RGS7: variants seen among roughly 807,000 people sequenced by gnomAD.
RGS7 encodes regulator of G-protein signaling 7.
Under a neutral mutation model 81.1 loss-of-function variants are expected in RGS7, and 27 were observed. The ratio of observed to expected loss-of-function variants is 0.33; its 90% CI spans 0.25 to 0.46. The LOEUF (loss-of-function observed/expected upper bound fraction) is 0.46. Among genes scored for constraint, RGS7 ranks in the 20% least tolerant of loss-of-function variants. RGS7 has a pLI of 1.00. For missense variants in RGS7, 396 were observed against 607.4 expected (o/e 0.65, Z 3.66); for synonymous variants, 208 against 207.7 (o/e 1.00, Z -0.01).
At chr1:240,943,464 ATTATCAG>A (rs1363310293) in intron 4 of RGS7, among the ~76,000 whole-genome samples, 6 of 152,236 alleles carry the variant, frequency 3.9e-5, no homozygotes, top group African/African-American at 1.4e-4. Context: ...GATGAGAGTT[ATTATCAG>A]TTGATACTTA....
At chr1:241,254,919 C>A in intron 2 of RGS7, among the ~76,000 whole-genome samples, 1 of 152,178 alleles carries the variant, frequency 6.6e-6, no homozygotes, top group East Asian at 1.9e-4. Context: ...GAAACACCCA[C>A]TACATAGCAT....
At chr1:240,810,909 T>G (rs150807048) in intron 14 of RGS7, among the ~76,000 whole-genome samples, 1 of 152,216 alleles carries the variant, frequency 6.6e-6, no homozygotes, top group Non-Finnish European at 1.5e-5. Flanking sequence ...GGAAGCTGCA[T>G]GCCAGCAATC....
At chr1:241,095,129 A>T (rs897982139) in intron 3 of RGS7, among the ~76,000 whole-genome samples, 1 of 152,186 alleles carries the variant, frequency 6.6e-6, no homozygotes, top group Non-Finnish European at 1.5e-5. Context: ...GATTGGCACA[A>T]GCAAGGTGGC....
intron 3 of RGS7, among the ~76,000 whole-genome samples, chr1:241,087,981 TATATATATATATATACACACACACAC>T (rs1303999358): frequency 1.3e-3 from 93 of 71,600 alleles, no homozygotes; most frequent in African/African-American, 5.7e-3. Context: ...TCTCTCTATA[TATATATATATATATACACACACACAC>T]ATATATATAT....
intron 3 of RGS7, among the ~76,000 whole-genome samples, chr1:240,999,979 G>A (rs776529170): frequency 2.0e-5 from 3 of 152,160 alleles, no homozygotes; most frequent in Non-Finnish European, 4.4e-5. Flanking sequence ...GTTGGCTTTT[G>A]ATGACACCAC....
chr1:241,207,668 G>A (rs541646635), intron 2 of RGS7, among the ~76,000 whole-genome samples: 3 of 152,056 alleles, frequency 2.0e-5, no homozygotes, highest in Non-Finnish European at 1.5e-5. Context: ...TTAACCAAAC[G>A]CACCAAAAGA....
chr1:240,948,531 C>T (rs1679028213), intron 4 of RGS7, among the ~76,000 whole-genome samples: 1 of 152,062 alleles, frequency 6.6e-6, no homozygotes, highest in African/African-American at 2.4e-5. Flanking sequence ...GCAACCACCC[C>T]TCCCTGGTTC....
At chr1:241,204,112 A>G (rs2147872554) in intron 2 of RGS7, among the ~76,000 whole-genome samples, 1 of 152,342 alleles carries the variant, frequency 6.6e-6, no homozygotes, top group African/African-American at 2.4e-5. Context: ...AAACTTTAGA[A>G]AGAATGAGCC....
At chr1:241,067,252 A>G (rs1330687440) in intron 3 of RGS7, among the ~76,000 whole-genome samples, 1 of 152,146 alleles carries the variant, frequency 6.6e-6, no homozygotes, top group Admixed American at 6.6e-5. Flanking sequence ...TTCGAAGTAT[A>G]AGGATTGTGT....
chr1:240,890,527 T>C (rs1161449890), intron 6 of RGS7, among the ~76,000 whole-genome samples: 1 of 148,260 alleles, frequency 6.7e-6, no homozygotes, highest in Non-Finnish European at 1.5e-5. Context: ...TGAAAATAAG[T>C]ATTGCTTAAA....
At chr1:241,303,466 T>C (rs1199539406) in intron 2 of RGS7, among the ~76,000 whole-genome samples, 1 of 152,224 alleles carries the variant, frequency 6.6e-6, no homozygotes, top group Admixed American at 6.5e-5. Flanking sequence ...CAGTCTCAAG[T>C]AGTTCTTTAC....
intron 3 of RGS7, among the ~76,000 whole-genome samples, chr1:241,030,861 C>T (rs1302637811): frequency 2.0e-5 from 3 of 152,154 alleles, no homozygotes; most frequent in East Asian, 3.9e-4. Flanking sequence ...TGTGATCAGG[C>T]GATGGTAGGC....
chr1:241,278,204 T>C (rs927047963), intron 2 of RGS7, among the ~76,000 whole-genome samples: 4 of 152,194 alleles, frequency 2.6e-5, no homozygotes, highest in Admixed American at 6.5e-5. Context: ...TTTAATCTTC[T>C]TCCATTGCTT....
chr1:240,944,445 G>A (rs1170649420), intron 4 of RGS7, among the ~76,000 whole-genome samples: 2 of 151,558 alleles, frequency 1.3e-5, no homozygotes, highest in Non-Finnish European at 2.9e-5. Context: ...ATAAATTACA[G>A]TGGAAAACAA....
chr1:241,089,003 G>A (rs2063659805), intron 3 of RGS7, among the ~76,000 whole-genome samples: 2 of 132,682 alleles, frequency 1.5e-5, no homozygotes, highest in Admixed American at 7.5e-5. Flanking sequence ...TCCAGCCTGG[G>A]CCACAGAGCA....
chr1:240,785,370 C>T (rs899224186), intron 18 of RGS7, among the ~76,000 whole-genome samples: 1 of 152,224 alleles, frequency 6.6e-6, no homozygotes, highest in Non-Finnish European at 1.5e-5. Flanking sequence ...AGCTTTCTAA[C>T]TATCCCTAAA....
intron 2 of RGS7, among the ~76,000 whole-genome samples, chr1:241,135,942 G>A (rs1010435406): frequency 1.7e-4 from 25 of 147,292 alleles, no homozygotes; most frequent in African/African-American, 6.2e-4. Flanking sequence ...AATCCCTTGG[G>A]TGGTTACATG....
rs145020745 is a variant in RGS7, at chr1:241,072,306, C to G, written c.175+26360G>C. 4.3e-3 allele frequency among the ~76,000 whole-genome samples: 648 copies of G among 152,300 alleles called. 6 individuals carry two copies. The highest frequency in any genetic ancestry group is 0.015 in the African/African-American group (622 of 41,556). On this transcript the variant is annotated intron_variant, in intron 3 of 18. Transcript: ENST00000440928. ...AAGCCATGTAGGCAAGACTCAATGGCGTTGGAACCGTGTCTGGGCAGAATG... is the reference window on the plus strand; with the variant it reads ...AAGCCATGTAGGCAAGACTCAATGGGGTTGGAACCGTGTCTGGGCAGAATG...
chr1:241,046,540 G>A (rs4660026), intron 3 of RGS7, among the ~76,000 whole-genome samples: 28,474 of 152,136 alleles, frequency 0.19, 2,958 homozygotes, highest in Non-Finnish European at 0.23. Flanking sequence ...TGTCTTCAGT[G>A]GGGAAAAAGA....
Sources: gnomAD v4.1 joint callset for allele counts (sites outside exome capture counted in the v4.1 genomes callset) on GRCh38, gnomAD v4.1.1 for gene constraint, MANE v1.5 for transcripts, NCBI Gene and HGNC (gene_info 2026-07-23, HGNC 2026-07-21) for gene names.